MTMR2: variants seen among roughly 807,000 people sequenced by gnomAD.
The protein encoded by MTMR2 is phosphatidylinositol-3,5-bisphosphate 3-phosphatase MTMR2.
Under a neutral mutation model 86.9 loss-of-function variants are expected in MTMR2, and 55 were observed. That is an observed-to-expected ratio of 0.63 (90% CI 0.51 to 0.79). MTMR2 has a LOEUF of 0.79. MTMR2 is among the 30% of genes least tolerant of loss of function. The pLI, the probability that MTMR2 is intolerant of heterozygous loss-of-function variation, is 0.00. For synonymous variants in MTMR2, 241 were observed against 266.8 expected (o/e 0.90, Z 0.94); for missense variants, 659 against 772.3 (o/e 0.85, Z 1.74).
At chr11:95,844,221 CATG>C (rs1219809584) in intron 11 of MTMR2, among the ~76,000 whole-genome samples, 2 of 152,116 alleles carry the variant, frequency 1.3e-5, no homozygotes, top group African/African-American at 2.4e-5. Context: ...ATGGCCGTTT[CATG>C]ATAAGTACAT....
chr11:95,886,629 A>C (rs1865521241), intron 2 of MTMR2, among the ~76,000 whole-genome samples: 1 of 152,196 alleles, frequency 6.6e-6, no homozygotes, highest in African/African-American at 2.4e-5. Flanking sequence ...AATGTCTCAG[A>C]CAGGAAACAG....
rs1044219098 is a variant in MTMR2, at chr11:95,894,566, G to A, written c.81-6305C>T. On this transcript the variant is annotated intron_variant, in intron 1 of 14. Transcript: ENST00000346299. Reference sequence around the variant, plus strand: ...TAATGTTTACAAAATAAGAACTTACGTCTCGTGGATGGCATTATGTTTGAA... The same window carrying A: ...TAATGTTTACAAAATAAGAACTTACATCTCGTGGATGGCATTATGTTTGAA... Among the ~76,000 whole-genome samples the A allele has an allele frequency of 4.6e-5, 7 of 152,206 alleles. No homozygotes were observed. In the South Asian group the frequency reaches 8.3e-4, roughly 18 times the overall value.
At chr11:95,842,645 T>G (rs1590975799) in intron 11 of MTMR2, among the ~76,000 whole-genome samples, 1 of 152,230 alleles carries the variant, frequency 6.6e-6, no homozygotes, top group East Asian at 1.9e-4. Flanking sequence ...ATCCAAGGGC[T>G]GTGAGGTCAA....
At position 95,835,139 on chromosome 11, in the gene MTMR2, A is replaced by G; in HGVS notation, c.*151T>C. 6 of 790,754 alleles carry G rather than the reference A, an allele frequency of 7.6e-6. No homozygotes were observed. Among genetic ancestry groups the G allele is most frequent in the Non-Finnish European group, 1.3e-5 (6 of 478,452 alleles). 49.0% of individuals were successfully genotyped at this position (790,754 alleles called of 1,614,324 possible). ...TCACTTAAGCCACCTGCACTGCTAC[A>G]GTTCTAAACTCATCCTAGAGAGATT... On this transcript the variant is annotated 3_prime_UTR_variant, in exon 15 of 15. Transcript: ENST00000346299.
At chr11:95,836,068 T>G in intron 14 of MTMR2, 80 bp downstream of exon 14, 1 of 1,359,408 alleles carries the variant, frequency 7.4e-7, no homozygotes, top group Non-Finnish European at 1.1e-6. Context: ...TATGCACAGA[T>G]AATCTTTCCA....
chr11:95,923,823 C>A, intron 1 of MTMR2, 52 bp downstream of exon 1: 5 of 1,534,076 alleles, frequency 3.3e-6, no homozygotes, highest in Non-Finnish European at 4.4e-6. Flanking sequence ...AGGTCCCCGG[C>A]CCCTCTCCAT....
At chr11:95,893,772 C>T (rs1865792048) in intron 1 of MTMR2, among the ~76,000 whole-genome samples, 1 of 152,156 alleles carries the variant, frequency 6.6e-6, no homozygotes, top group African/African-American at 2.4e-5. Context: ...GTACAGTCTA[C>T]TTCCCTACCA....
At chr11:95,852,697 T>C (rs186452098) in intron 7 of MTMR2, among the ~76,000 whole-genome samples, 5 of 152,348 alleles carry the variant, frequency 3.3e-5, no homozygotes, top group Admixed American at 6.5e-5. Flanking sequence ...TTTTTACCCA[T>C]GACTTATTTC....
At chr11:95,888,101 G>T in intron 2 of MTMR2, 55 bp downstream of exon 2, 2 of 1,285,320 alleles carry the variant, frequency 1.6e-6, no homozygotes, top group Non-Finnish European at 2.2e-6. Flanking sequence ...GATAGTGTTG[G>T]CCACAAATAT....
intron 1 of MTMR2, chr11:95,923,607 T>C (rs1406412651): frequency 7.9e-7 from 1 of 1,267,982 alleles, no homozygotes; most frequent in Non-Finnish European, 1.0e-6. Context: ...GAGAAAGTAA[T>C]TAACTGGGAC....
intron 1 of MTMR2, among the ~76,000 whole-genome samples, chr11:95,919,419 A>G (rs1230077693): frequency 6.6e-6 from 1 of 152,218 alleles, no homozygotes; most frequent in African/African-American, 2.4e-5. Context: ...GATGCTCATC[A>G]ATGCTAATGA....
intron 9 of MTMR2, among the ~76,000 whole-genome samples, chr11:95,848,629 A>C (rs1301882418): frequency 6.6e-6 from 1 of 152,304 alleles, no homozygotes; most frequent in East Asian, 1.9e-4. Context: ...GTGTAAAATT[A>C]TACTTCTTAG....
intron 2 of MTMR2, among the ~76,000 whole-genome samples, chr11:95,886,758 A>G (rs1293707221): frequency 6.6e-6 from 1 of 152,192 alleles, no homozygotes; most frequent in East Asian, 1.9e-4. Flanking sequence ...AAATCTGACC[A>G]GAAGTATGCC....
At chr11:95,867,816 GAAA>G (rs34354215) in intron 2 of MTMR2, among the ~76,000 whole-genome samples, 3 of 126,150 alleles carry the variant, frequency 2.4e-5, no homozygotes, top group African/African-American at 2.8e-5. Context: ...AAAAGGCCTA[GAAA>G]AAAAAAAAAA....
intron 2 of MTMR2, among the ~76,000 whole-genome samples, chr11:95,866,989 G>GTTATACATTTAAAGTAC: frequency 6.6e-6 from 1 of 152,050 alleles, no homozygotes; most frequent in South Asian, 2.1e-4. Flanking sequence ...TTATATCAGT[G>GTTATACATTTAAAGTAC]TTAACACATA....
rs1177834654 is a variant in MTMR2 at position 95,918,252 on chromosome 11, TA to T, written c.80+5622del. On this transcript the variant is annotated intron_variant, in intron 1 of 14. Coordinates refer to ENST00000346299, the MANE Select transcript of MTMR2 (RefSeq NM_016156.6). ...CATCGGGATCACCTGGAAAGCTTGCTAAAACACCAACAGCTGGGCTCCACCC... is the reference window on the plus strand; with the variant it reads ...CATCGGGATCACCTGGAAAGCTTGCTAAACACCAACAGCTGGGCTCCACCC... Among the ~76,000 whole-genome samples, 18 of 152,306 alleles carry T rather than the reference TA, an allele frequency of 1.2e-4. No individual in the cohort carries two copies. The East Asian group carries it at 3.3e-3, about 28-fold the overall frequency.
intron 1 of MTMR2, among the ~76,000 whole-genome samples, chr11:95,911,183 C>T (rs1201550390): frequency 2.0e-5 from 3 of 152,096 alleles, no homozygotes; most frequent in Admixed American, 2.0e-4. Flanking sequence ...AGCCTTCCAA[C>T]TGGTGCATGT....
At chr11:95,881,585 C>T (rs1028837691) in intron 2 of MTMR2, among the ~76,000 whole-genome samples, 1 of 151,846 alleles carries the variant, frequency 6.6e-6, no homozygotes, top group African/African-American at 2.4e-5. Flanking sequence ...AAGTAAGGTA[C>T]TTTTGTTGCT....
chr11:95,863,572 T>C lies in MTMR2; in HGVS notation c.263-1206A>G, dbSNP rs77520755. Among the ~76,000 whole-genome samples, 939 of 152,266 alleles carry C rather than the reference T, an allele frequency of 6.2e-3. 15 individuals are homozygous for C. The highest frequency in any genetic ancestry group is 0.021 in the African/African-American group (879 of 41,554). On this transcript the variant is annotated intron_variant, in intron 3 of 14. Transcript: ENST00000346299. ...TTGCACAAATAATATTTTTCCCTTATGAATTTTTACCTCAACTAGAAAAGC... is the reference window on the plus strand; with the variant it reads ...TTGCACAAATAATATTTTTCCCTTACGAATTTTTACCTCAACTAGAAAAGC...
Sources: gnomAD v4.1 joint callset for allele counts (sites outside exome capture counted in the v4.1 genomes callset) on GRCh38, gnomAD v4.1.1 for gene constraint, MANE v1.5 for transcripts, NCBI Gene and HGNC (gene_info 2026-07-23, HGNC 2026-07-21) for gene names.